The following SLC18A2 variants were observed in gnomAD, a reference collection of about 807,000 sequenced individuals.
The protein encoded by SLC18A2 is synaptic vesicular amine transporter.
In SLC18A2, 33 loss-of-function variants were observed where a neutral mutation model predicts 59.2. The ratio of observed to expected loss-of-function variants is 0.56; its 90% CI spans 0.42 to 0.75. SLC18A2 has a LOEUF of 0.75. Ranked by LOEUF, SLC18A2 falls within the 30% of genes least tolerant of loss-of-function variation. SLC18A2 has a pLI of 0.00. For missense variants in SLC18A2, 569 were observed against 668.6 expected (o/e 0.85, Z 1.64); for synonymous variants, 228 against 253.5 (o/e 0.90, Z 0.95).
chr10:117,264,364 A>T (rs949935331), intron 10 of SLC18A2, among the ~76,000 whole-genome samples: 2 of 152,184 alleles, frequency 1.3e-5, no homozygotes, highest in Non-Finnish European at 2.9e-5. Flanking sequence ...TAATCCTAGC[A>T]CTTTGGGAGG....
At chr10:117,255,184 TAGAG>T in intron 6 of SLC18A2, 89 bp from the exon 7 acceptor site, 8 of 1,211,780 alleles carry the variant, frequency 6.6e-6, no homozygotes, top group South Asian at 1.3e-5. Context: ...TGGAACAAAG[TAGAG>T]AGAGAAACAC....
intron 15 of SLC18A2, among the ~76,000 whole-genome samples, chr10:117,273,897 G>A (rs1844454327): frequency 6.6e-6 from 1 of 152,184 alleles, no homozygotes; most frequent in Non-Finnish European, 1.5e-5. Context: ...GGCATTTGGA[G>A]GGGCTGGGGC....
chr10:117,256,329 C>T (rs1042657998), intron 9 of SLC18A2, among the ~76,000 whole-genome samples: 8 of 152,188 alleles, frequency 5.3e-5, no homozygotes, highest in Admixed American at 3.3e-4. Flanking sequence ...CCCCGGGCTG[C>T]CTAACCAGGG....
chr10:117,277,517 CAATAT>C lies in SLC18A2; in HGVS notation c.*253_*257del. On this transcript the variant is annotated 3_prime_UTR_variant, in exon 16 of 16. Coordinates refer to ENST00000644641, the MANE Select transcript of SLC18A2 (RefSeq NM_003054.6). ...GTATTTAATTTTATTAAATATCATACAATATATTTTGATGAAATAGGTATTGTGTA... is the reference window on the plus strand; with the variant it reads ...GTATTTAATTTTATTAAATATCATACATTTTGATGAAATAGGTATTGTGTA... The C allele has an allele frequency of 4.4e-6, 1 of 224,984 alleles. No homozygotes were observed. Among genetic ancestry groups the C allele is most frequent in the African/African-American group, 2.3e-5 (1 of 44,116 alleles). 13.9% of individuals were successfully genotyped at this position (224,984 alleles called of 1,614,324 possible). A position where few individuals can be genotyped will look rare whatever the true frequency, so the allele number is the denominator to read the frequency against.
chr10:117,247,571 T>G (rs1347129417), intron 3 of SLC18A2, among the ~76,000 whole-genome samples: 1 of 152,234 alleles, frequency 6.6e-6, no homozygotes, highest in Non-Finnish European at 1.5e-5. Context: ...TGCACTGACT[T>G]GGGCTCTTCC....
chr10:117,252,734 G>T (rs1286022921), intron 3 of SLC18A2, among the ~76,000 whole-genome samples: 9 of 152,248 alleles, frequency 5.9e-5, no homozygotes. Context: ...GTCTCTCCGA[G>T]GGACTGAGAG....
In SLC18A2 at chr10:117,269,155, GCACACATA is replaced by G. The variant is rs1565008762; in HGVS notation, c.1187-905_1187-898del. On this transcript the variant is annotated intron_variant, in intron 13 of 15. Coordinates refer to ENST00000644641, the MANE Select transcript of SLC18A2 (RefSeq NM_003054.6). The surrounding 1 kb of genome is among the most constrained non-coding windows in gnomAD (Gnocchi z 5.1). ...TACAAACACCCACCCACATACATATGCACACATACACACATACATATACACACATACAC... is the reference window on the plus strand; with the variant it reads ...TACAAACACCCACCCACATACATATGCACACATACATATACACACATACAC... Among the ~76,000 whole-genome samples, 2 of 55,172 alleles carry G rather than the reference GCACACATA, an allele frequency of 3.6e-5. No individual in the cohort carries two copies. Among genetic ancestry groups the G allele is most frequent in the Non-Finnish European group, 1.0e-4 (2 of 19,294 alleles). 36.2% of individuals were successfully genotyped at this position (55,172 alleles called of 152,430 possible).
Position 117,276,630 on chromosome 10 carries a change from A to AAAAG in SLC18A2, c.1441-512_1441-509dup, listed in dbSNP as rs1363913917. Among the ~76,000 whole-genome samples, 203 of 22,254 alleles carry AAAAG rather than the reference A, an allele frequency of 9.1e-3. 4 individuals are homozygous for AAAAG. Among genetic ancestry groups the AAAAG allele is most frequent in the African/African-American group, 0.018 (171 of 9,280 alleles). 14.6% of individuals were successfully genotyped at this position (22,254 alleles called of 152,430 possible). A position where few individuals can be genotyped will look rare whatever the true frequency, so the allele number is the denominator to read the frequency against. On this transcript the variant is annotated intron_variant, in intron 15 of 15. Coordinates refer to ENST00000644641, the MANE Select transcript of SLC18A2 (RefSeq NM_003054.6). ...CTTCATCTCAAAAAAAAAAAAAAAA[A>AAAAG]AAAGAAAGAAAGAAAGAAAGAAAAA...
At chr10:117,276,630 A>AAAAAAAAAAAAAAAAG (rs1445853665) in intron 15 of SLC18A2, among the ~76,000 whole-genome samples, 2 of 22,314 alleles carry the variant, frequency 9.0e-5, no homozygotes, top group African/African-American at 2.1e-4. Flanking sequence ...AAAAAAAAAA[A>AAAAAAAAAAAAAAAAG]AAAGAAAGAA....
At chr10:117,267,114 C>A in intron 12 of SLC18A2, 79 bp downstream of exon 12, 1 of 1,066,330 alleles carries the variant, frequency 9.4e-7, no homozygotes, top group Non-Finnish European at 1.4e-6. Context: ...CACCAAGAAA[C>A]ATTTTACGTT....
intron 2 of SLC18A2, among the ~76,000 whole-genome samples, chr10:117,243,428 G>A (rs529598702): frequency 1.3e-5 from 2 of 152,336 alleles, no homozygotes; most frequent in Non-Finnish European, 2.9e-5. Context: ...ACAGTTCTCA[G>A]GGCCGTTGGG....
At chr10:117,243,929 T>G in intron 2 of SLC18A2, 42 bp from the exon 3 acceptor site, 1 of 1,526,380 alleles carries the variant, frequency 6.6e-7, no homozygotes, top group East Asian at 2.3e-5. Flanking sequence ...TGGAGAGGGT[T>G]TCAGTGTGAT....
intron 4 of SLC18A2, among the ~76,000 whole-genome samples, 196 bp from the exon 5 acceptor site, chr10:117,253,852 A>G (rs1249378755): frequency 6.6e-6 from 1 of 152,212 alleles, no homozygotes. Context: ...TCTCAAAAAA[A>G]AGTATATGGC....
At chr10:117,266,283 G>A (rs1844347940) in intron 10 of SLC18A2, among the ~76,000 whole-genome samples, 1 of 151,984 alleles carries the variant, frequency 6.6e-6, no homozygotes. Context: ...GAAAATAACT[G>A]TGGTGATTAT....
rs555644177 is a variant in SLC18A2 at position 117,265,712 on chromosome 10, A to T, written c.992-1021A>T. Among the ~76,000 whole-genome samples the T allele has an allele frequency of 2.0e-5, 3 of 152,256 alleles. No individual in the cohort carries two copies. The South Asian group carries it at 6.2e-4, about 32-fold the overall frequency. ...CAATGCGGAGGACAGGTTCAAGGCCACTGCTGCCACCACCAGCAGGGAATC... is the reference window on the plus strand; with the variant it reads ...CAATGCGGAGGACAGGTTCAAGGCCTCTGCTGCCACCACCAGCAGGGAATC... On this transcript the variant is annotated intron_variant, in intron 10 of 15. Transcript: ENST00000644641.
At chr10:117,268,887 GTA>G (rs959907672) in intron 13 of SLC18A2, among the ~76,000 whole-genome samples, 3 of 151,594 alleles carry the variant, frequency 2.0e-5, no homozygotes, top group Admixed American at 1.3e-4. Flanking sequence ...GTATGAGTGT[GTA>G]TGTGTGTGTT....
chr10:117,254,415 G>A lies in SLC18A2; in HGVS notation c.618G>A (p.Met206Ile). The A allele has an allele frequency of 6.3e-7, 1 of 1,593,204 alleles. No homozygotes were observed. The highest frequency in any genetic ancestry group is 1.8e-5 in the Admixed American group (1 of 56,936). ...SSCSSVAGMG[M>I]LASVYTDDEE... ...TCTTTCCCTGTGTAGGGATGGGCAT[G>A]CTTGCCAGTGTCTACACAGATGATG... The change falls in exon 6 of 16, where the codon ATG (methionine) becomes ATA (isoleucine). Residue 206 changes from methionine (M) to isoleucine (I), a missense_variant. Physicochemically the swap from Met to Ile is conservative, Grantham distance 10. Transcript: ENST00000644641.
intron 10 of SLC18A2, among the ~76,000 whole-genome samples, chr10:117,266,089 C>CAAAAAAAA (rs35533634): frequency 1.4e-5 from 1 of 72,162 alleles, no homozygotes. Context: ...GACTCCATCT[C>CAAAAAAAA]AAAAAAAAAA....
At position 117,255,354 on chromosome 10, in the gene SLC18A2, C is replaced by T. The variant is rs763224426; in HGVS notation, c.778C>T (p.Leu260Phe). 6.2e-7 allele frequency: 1 copy of T among 1,614,252 alleles called. No individual in the cohort carries two copies. The highest frequency in any genetic ancestry group is 8.5e-7 in the Non-Finnish European group (1 of 1,180,054). ...GTTCCTGGTGCTGGCCGCCCTGGTA[C>T]TCTTGGATGGAGGTGAGTGAGTCCA... ...APFLVLAALV[L>F]LDGAIQLFVL... The change falls in exon 7 of 16, where the codon CTC becomes TTC. Residue 260 changes from leucine (L) to phenylalanine (F), a missense_variant. By Grantham distance (22) the Leu-to-Phe change is conservative. Transcript: ENST00000644641.
Sources: gnomAD v4.1 joint callset for allele counts (sites outside exome capture counted in the v4.1 genomes callset) on GRCh38, gnomAD v4.1.1 for gene constraint, Gnocchi (gnomAD v3.1) non-coding constraint, MANE v1.5 for transcripts, NCBI Gene and HGNC (gene_info 2026-07-23, HGNC 2026-07-21) for gene names.